PNPLA7: variants seen among roughly 807,000 people sequenced by gnomAD.
PNPLA7 encodes patatin-like phospholipase domain-containing protein 7.
A neutral mutation model predicts 161.7 loss-of-function variants in PNPLA7; 153 were observed. That is an observed-to-expected ratio of 0.95 (90% CI 0.83 to 1.08). The LOEUF (loss-of-function observed/expected upper bound fraction) is 1.08. Among genes scored for constraint, PNPLA7 ranks in the 50% least tolerant of loss-of-function variants. The probability of loss-of-function intolerance (pLI) is 0.00; values close to 1 mark genes in which losing one functional copy is unlikely to be tolerated. For synonymous variants in PNPLA7, 809 were observed against 782.1 expected, an observed-to-expected ratio of 1.03 and a Z score of -0.57; for missense variants, 1,739 against 1,856.6, an observed-to-expected ratio of 0.94 and a Z score of 1.16.
rs1239585481 is a variant in PNPLA7, at chr9:137,460,222, G to A, written c.*171C>T. 6.5e-6 allele frequency: 4 copies of A among 611,250 alleles called. No individual in the cohort carries two copies. Among genetic ancestry groups the A allele is most frequent in the African/African-American group, 1.9e-5 (1 of 53,908 alleles). 37.9% of individuals were successfully genotyped at this position (611,250 alleles called of 1,614,324 possible). Reference sequence around the variant, plus strand: ...GGGGGCTCACAGGGCCCTGTATGCAGGGCTGCTGGTACAAAGAAGAGGCCC... The same window carrying A: ...GGGGGCTCACAGGGCCCTGTATGCAAGGCTGCTGGTACAAAGAAGAGGCCC... On this transcript the variant is annotated 3_prime_UTR_variant, in exon 35 of 35. Transcript: ENST00000406427.
At chr9:137,474,724 C>G (rs73567226) in intron 25 of PNPLA7, among the ~76,000 whole-genome samples, 2,059 of 152,020 alleles carry the variant, frequency 0.014, 46 homozygotes, top group African/African-American at 0.047. Flanking sequence ...ATCAGAAGCT[C>G]CAGGAAGGCT....
chr9:137,488,260 C>G (rs1022315795), intron 20 of PNPLA7, among the ~76,000 whole-genome samples: 1 of 152,232 alleles, frequency 6.6e-6, no homozygotes, highest in African/African-American at 2.4e-5. Flanking sequence ...ACGTGGCTCT[C>G]TGATGTGGAT....
rs1833778870 is a variant in PNPLA7 at position 137,504,141 on chromosome 9, AAG to A, written c.1473+1471_1473+1472del. 2.7e-5 allele frequency among the ~76,000 whole-genome samples: 4 copies of A among 145,952 alleles called. No homozygotes were observed. The South Asian group carries it at 8.9e-4, about 33-fold the overall frequency. Reference sequence around the variant, plus strand: ...GAAGAAGAAAAAAGGAAGAAGAAAAAAGAAAGGAAGAAGAAGAGAAGAAGACG... The same window carrying A: ...GAAGAAGAAAAAAGGAAGAAGAAAAAAAAGGAAGAAGAAGAGAAGAAGACG... On this transcript the variant is annotated intron_variant, in intron 14 of 34. Coordinates refer to ENST00000406427, the MANE Select transcript of PNPLA7 (RefSeq NM_001098537.3).
rs982754118 is a variant in PNPLA7, at chr9:137,515,380, T to C, written c.1224A>G (p.Gln408=). The change falls in exon 12 of 35, where the codon CAA becomes CAG. Residue 408 remains glutamine (Q), a splice_region_variant and synonymous_variant. Transcript: ENST00000406427. ...TGGGCAGCCGTCGAGGTTCTTTACC[T>C]TGTGGGGCCGAAGGGTCAGGGTCAC... ...GAGDPDPSAP[Q]GGPGSATSDL... is the part of the protein sequence containing the mutation. The C allele has an allele frequency of 1.6e-5, 25 of 1,602,050 alleles. No homozygotes were observed. The African/African-American group carries it at 3.1e-4, about 20-fold the overall frequency.
At chr9:137,522,221 C>T (rs1033113752) in intron 9 of PNPLA7, among the ~76,000 whole-genome samples, 1 of 151,870 alleles carries the variant, frequency 6.6e-6, no homozygotes. Flanking sequence ...ACTACAGGCG[C>T]CCGCCACCAC....
intron 8 of PNPLA7, among the ~76,000 whole-genome samples, chr9:137,532,840 G>A (rs1835648904): frequency 6.6e-6 from 1 of 152,210 alleles, no homozygotes; most frequent in Non-Finnish European, 1.5e-5. Context: ...GAAGCAAGCA[G>A]GTAAGAGCCC....
At chr9:137,464,592 AGGCTTGGCGCCCT>A (rs1304072177) in intron 26 of PNPLA7, 136 bp from the exon 27 acceptor site, 2 of 810,012 alleles carry the variant, frequency 2.5e-6, no homozygotes, top group African/African-American at 3.4e-5. Flanking sequence ...CACGGTCCTG[AGGCTTGGCGCCCT>A]GGCTGGAGCC....
In PNPLA7 at chr9:137,540,726, C is replaced by G. The variant is rs75956365; in HGVS notation, c.667-4G>C. The G allele has an allele frequency of 8.7e-6, 14 of 1,606,474 alleles. No homozygotes were observed. Among genetic ancestry groups the G allele is most frequent in the African/African-American group, 1.3e-5 (1 of 74,906 alleles). On this transcript the variant is annotated splice_polypyrimidine_tract_variant and splice_region_variant and intron_variant, in intron 7 of 34. Coordinates refer to ENST00000406427, the MANE Select transcript of PNPLA7 (RefSeq NM_001098537.3). This position sits in a 1 kb window ranked among gnomAD's most constrained non-coding sequence, Gnocchi z 5.1. ...TCACCACCACCTCGGTGCCGTCCTG[C>G]GCTTGGAGAGCAGAGTGGGTGCCGT...
At position 137,460,413 on chromosome 9, in the gene PNPLA7, A is replaced by G. The variant is rs780049254; in HGVS notation, c.4009T>C (p.Ser1337Pro). The change falls in exon 35 of 35, where the codon TCC becomes CCC. Residue 1337 changes from serine (S) to proline (P), a missense_variant. Physicochemically the swap from Ser to Pro is moderately conservative, Grantham distance 74. This residue lies in a region of PNPLA7 where 703 missense variants were observed against 694.6 expected (regional missense o/e 1.01). Coordinates refer to ENST00000406427, the MANE Select transcript of PNPLA7 (RefSeq NM_001098537.3). ...SLAFPKLSEGSSDQDG is the reference protein window; with the variant it reads ...SLAFPKLSEGPSDQDG ...GGCCTCTACCCGTCCTGGTCAGAGGAGCCCTCAGACAGTTTTGGGAAAGCC... is the reference window on the plus strand; with the variant it reads ...GGCCTCTACCCGTCCTGGTCAGAGGGGCCCTCAGACAGTTTTGGGAAAGCC... 1.2e-6 allele frequency: 2 copies of G among 1,612,588 alleles called. No individual in the cohort carries two copies. Among genetic ancestry groups the G allele is most frequent in the South Asian group, 2.2e-5 (2 of 91,076 alleles).
intron 21 of PNPLA7, 84 bp downstream of exon 21, chr9:137,484,503 C>T: frequency 6.9e-7 from 1 of 1,444,038 alleles, no homozygotes; most frequent in Non-Finnish European, 9.2e-7. Context: ...GCCGCGTCCC[C>T]TCGAAGACAG....
In PNPLA7 at chr9:137,508,748, G is replaced by A. The variant is rs567559642; in HGVS notation, c.1226-2665C>T. 5 of 152,156 alleles carry A rather than the reference G, an allele frequency of 3.3e-5. No homozygotes were observed. The South Asian group carries it at 6.2e-4, about 19-fold the overall frequency. 9.4% of individuals were successfully genotyped at this position (152,156 alleles called of 1,614,324 possible). ...ACAAAAGAAAAATATTGATAAATTA[G>A]ATCCCATTAAGTTTAAAATTTCCTA... On this transcript the variant is annotated intron_variant, in intron 12 of 34. Transcript: ENST00000406427.
intron 4 of PNPLA7, among the ~76,000 whole-genome samples, chr9:137,545,105 CA>C (rs2132649556): frequency 6.6e-6 from 1 of 152,180 alleles, no homozygotes; most frequent in African/African-American, 2.4e-5. Context: ...GGGAGGCGGC[CA>C]GGGGAGGCCT....
rs760472162 is a variant in PNPLA7, at chr9:137,478,027, G to T, written c.2882+7C>A. On this transcript the variant is annotated splice_region_variant and intron_variant, in intron 25 of 34. Coordinates refer to ENST00000406427, the MANE Select transcript of PNPLA7 (RefSeq NM_001098537.3). ...GTGAGGAGTGTGTAGGAAGCGGGGG[G>T]ACTCACCTTGCTCCCCCTCCCCCAA... 3 of 1,416,942 alleles carry T rather than the reference G, an allele frequency of 2.1e-6. No homozygotes were observed. The highest frequency in any genetic ancestry group is 1.9e-6 in the Non-Finnish European group (2 of 1,080,402). The allele number at this position is 1,416,942 out of a possible 1,614,324, so 87.8% of individuals were successfully genotyped here. A position where few individuals can be genotyped will look rare whatever the true frequency, so the allele number is the denominator to read the frequency against.
intron 20 of PNPLA7, among the ~76,000 whole-genome samples, chr9:137,485,855 G>A (rs763560651): frequency 8.1e-4 from 123 of 152,296 alleles, no homozygotes; most frequent in Admixed American, 2.2e-3. Context: ...CAGCACAGTG[G>A]CAAGGACATG....
At position 137,462,226 on chromosome 9, in the gene PNPLA7, T is replaced by TG. The variant is rs761459630; in HGVS notation, c.3597dup (p.Ile1200HisfsTer28). The TG allele has an allele frequency of 5.5e-5, 89 of 1,604,894 alleles. No homozygotes were observed. The highest frequency in any genetic ancestry group is 1.7e-4 in the Middle Eastern group (1 of 6,016). On this transcript the variant is annotated frameshift_variant, in exon 31 of 35. Transcript: ENST00000406427. LOFTEE classifies it high-confidence loss of function. The stretch of plus-strand genomic sequence containing the variant: ...AAGTCCAGGGTGCTGTAGCTGTCGA[T>TG]GGGGGGGCGCAGGTACTCGCAGTAG...
In PNPLA7 at chr9:137,497,267, G is replaced by T; in HGVS notation, c.1933C>A (p.Arg645=). 1 of 1,588,308 alleles carries T rather than the reference G, an allele frequency of 6.3e-7. No homozygotes were observed. Among genetic ancestry groups the T allele is most frequent in the Non-Finnish European group, 8.6e-7 (1 of 1,168,042 alleles). Residue 645 remains arginine (R), a synonymous_variant, in exon 18 of 35, where the codon CGG becomes AGG. Coordinates refer to ENST00000406427, the MANE Select transcript of PNPLA7 (RefSeq NM_001098537.3). ...TCCTTCCGGATCACAGAGCGCAGCC[G>T]GCCGCTGAGCATGATGTACGTGCAG... ...SDCTYIMLSG[R]LRSVIRKDDG...
chr9:137,527,070 C>T (rs1384512005), intron 8 of PNPLA7, among the ~76,000 whole-genome samples: 7 of 151,950 alleles, frequency 4.6e-5, no homozygotes, highest in African/African-American at 1.5e-4. Context: ...AATTCAAGAC[C>T]AGCCTGGCCA....
rs561787755 is a variant in PNPLA7, at chr9:137,498,392, C to T, written c.1758-147G>A. 7.6e-5 allele frequency: 93 copies of T among 1,230,780 alleles called. No individual in the cohort carries two copies. In the Admixed American group the frequency reaches 9.0e-4, roughly 12 times the overall value. The allele number at this position is 1,230,780 out of a possible 1,614,324, so 76.2% of individuals were successfully genotyped here. On this transcript the variant is annotated intron_variant, in intron 16 of 34. Transcript: ENST00000406427. ...CACTGGCAGGGGCTGGGACGGGGCACGCACCAGTCAGCTGCCTGCCCCACG... is the reference window on the plus strand; with the variant it reads ...CACTGGCAGGGGCTGGGACGGGGCATGCACCAGTCAGCTGCCTGCCCCACG...
chr9:137,477,395 C>A (rs753101321), intron 25 of PNPLA7, among the ~76,000 whole-genome samples: 2 of 151,966 alleles, frequency 1.3e-5, no homozygotes, highest in African/African-American at 4.8e-5. Flanking sequence ...TGGGAAAGAC[C>A]GGCTAAGGAA....
Sources: allele counts gnomAD v4.1 joint callset (sites outside exome capture counted in the v4.1 genomes callset), GRCh38; gene constraint gnomAD v4.1.1; regional missense constraint gnomAD v4.1.1; non-coding constraint Gnocchi (gnomAD v3.1); transcripts MANE v1.5; gene names NCBI Gene and HGNC (gene_info 2026-07-23, HGNC 2026-07-21).